Variants in PDSS1 observed in about 807,000 individuals in gnomAD.
PDSS1 encodes the protein all trans-polyprenyl-diphosphate synthase PDSS1.
Under a neutral mutation model 57.5 loss-of-function variants are expected in PDSS1, and 43 were observed. The observed-to-expected ratio is 0.75, with a 90% CI of 0.59 to 0.96. PDSS1 has a LOEUF of 0.96. PDSS1 is among the 50% of genes least tolerant of loss of function. PDSS1 has a pLI of 0.00. For synonymous variants in PDSS1, 175 were observed against 191.3 expected, an observed-to-expected ratio of 0.91 and a Z score of 0.70; for missense variants, 438 against 527.8, an observed-to-expected ratio of 0.83 and a Z score of 1.67.
chr10:26,739,019 A>G lies in PDSS1; in HGVS notation c.1026+3440A>G, dbSNP rs192609581. Among the ~76,000 whole-genome samples, 3 of 152,292 alleles carry G rather than the reference A, an allele frequency of 2.0e-5. No homozygotes were observed. In the East Asian group the frequency reaches 5.8e-4, roughly 29 times the overall value. On this transcript the variant is annotated intron_variant, in intron 10 of 11. Transcript: ENST00000376215. Reference sequence around the variant, plus strand: ...CTGGTGAAACTTTTTTAATTTTCAAATATCTTTTTTAAAAAAACCAAATCT... The same window carrying G: ...CTGGTGAAACTTTTTTAATTTTCAAGTATCTTTTTTAAAAAAACCAAATCT...
intron 5 of PDSS1, among the ~76,000 whole-genome samples, chr10:26,717,010 C>T (rs1251540186): frequency 1.3e-5 from 2 of 152,164 alleles, no homozygotes; most frequent in African/African-American, 4.8e-5. Flanking sequence ...TCATCTGTCC[C>T]ACCCTCATGT....
intron 8 of PDSS1, among the ~76,000 whole-genome samples, chr10:26,727,916 T>C: frequency 6.6e-6 from 1 of 152,280 alleles, no homozygotes; most frequent in South Asian, 2.1e-4. Flanking sequence ...GTCGGGCTTC[T>C]CTGATACTTC....
At chr10:26,742,719 G>T in intron 11 of PDSS1, 142 bp downstream of exon 11, 1 of 669,244 alleles carries the variant, frequency 1.5e-6, no homozygotes. Context: ...AAACTGAGAA[G>T]GGAAAACTCA....
chr10:26,708,067 A>C (rs1203025719), intron 4 of PDSS1, among the ~76,000 whole-genome samples: 1 of 152,164 alleles, frequency 6.6e-6, no homozygotes, highest in Non-Finnish European at 1.5e-5. Context: ...CACCACACCC[A>C]TCACACTGTG....
chr10:26,719,716 A>G (rs1262266887), intron 5 of PDSS1, among the ~76,000 whole-genome samples: 7 of 152,188 alleles, frequency 4.6e-5, no homozygotes, highest in African/African-American at 1.7e-4. Context: ...TTGTGAGCCA[A>G]TATTGCACCA....
chr10:26,710,570 A>G (rs1310924155), intron 5 of PDSS1, among the ~76,000 whole-genome samples: 1 of 88,546 alleles, frequency 1.1e-5, no homozygotes, highest in African/African-American at 3.7e-5. Flanking sequence ...AAACTCCTGA[A>G]CTCATGTGAT....
chr10:26,716,692 A>G (rs74731804), intron 5 of PDSS1, among the ~76,000 whole-genome samples: 7 of 149,660 alleles, frequency 4.7e-5, no homozygotes, highest in African/African-American at 1.7e-4. Flanking sequence ...CTCCATCTCA[A>G]AAAAAAAAAA....
rs116377515 is a variant in PDSS1 at position 26,732,131 on chromosome 10, G to A, written c.832-3109G>A. On this transcript the variant is annotated intron_variant, in intron 8 of 11. Transcript: ENST00000376215. The stretch of plus-strand genomic sequence containing the variant: ...CATTCTTCATGCTCCACCCATTTCC[G>A]GAAAGATGTGAGGCATCCCTCTGAT... Among the ~76,000 whole-genome samples, 702 of 152,348 alleles carry A rather than the reference G, an allele frequency of 4.6e-3. 4 individuals carry two copies. The highest frequency in any genetic ancestry group is 0.016 in the African/African-American group (667 of 41,578).
intron 2 of PDSS1, among the ~76,000 whole-genome samples, chr10:26,703,353 C>T (rs1300119848): frequency 6.6e-6 from 1 of 152,034 alleles, no homozygotes; most frequent in Non-Finnish European, 1.5e-5. Flanking sequence ...TATAACTAAT[C>T]ATAGTTATTT....
chr10:26,698,920 T>G (rs1383929986), intron 1 of PDSS1, among the ~76,000 whole-genome samples: 1 of 152,130 alleles, frequency 6.6e-6, no homozygotes, highest in Non-Finnish European at 1.5e-5. Flanking sequence ...GGCCAGGAGT[T>G]TGGGACCAGC....
At chr10:26,718,910 C>G (rs1835691023) in intron 5 of PDSS1, 1 of 152,116 alleles carries the variant, frequency 6.6e-6, no homozygotes, top group African/African-American at 2.4e-5. Context: ...AAAGCAAGAT[C>G]AAAAGCTTTC....
At chr10:26,745,987 TG>T (rs1357461348) in intron 11 of PDSS1, among the ~76,000 whole-genome samples, 14 of 152,224 alleles carry the variant, frequency 9.2e-5, no homozygotes, top group South Asian at 6.2e-4. Context: ...GTTTTACTTG[TG>T]TTTTTTTTAC....
At position 26,723,915 on chromosome 10, in the gene PDSS1, G is replaced by A. The variant is rs140972175; in HGVS notation, c.719G>A (p.Arg240His). Residue 240 changes from arginine (R) to histidine (H), a missense_variant and splice_region_variant, in exon 7 of 12, where the codon CGT becomes CAT. Arg to His is a conservative substitution (Grantham distance 29). Around this residue, in one of 2 missense-constraint regions of PDSS1, gnomAD observed 284 missense variants for 390.7 expected, o/e 0.73. Transcript: ENST00000376215. ...ILTQVIEDLV[R>H]GEFLQLGSKE... ...ACCCAAGTTATTGAAGATTTGGTGC[G>A]TGGTACGTTGATTCTGATTTTTCTT... 334 of 1,602,494 alleles carry A rather than the reference G, an allele frequency of 2.1e-4. 1 individual carries two copies. Among genetic ancestry groups the A allele is most frequent in the Non-Finnish European group, 2.5e-4 (292 of 1,169,508 alleles).
intron 5 of PDSS1, among the ~76,000 whole-genome samples, chr10:26,716,963 G>A (rs996033982): frequency 6.6e-6 from 1 of 152,180 alleles, no homozygotes; most frequent in Non-Finnish European, 1.5e-5. Context: ...TCATCTTAAG[G>A]ACAGTGTGAG....
At chr10:26,733,804 T>G (rs1311979800) in intron 8 of PDSS1, among the ~76,000 whole-genome samples, 1 of 151,864 alleles carries the variant, frequency 6.6e-6, no homozygotes, top group Non-Finnish European at 1.5e-5. Flanking sequence ...TGAGACTCCA[T>G]CTCTATGAAA....
chr10:26,737,666 G>A (rs1426664884), intron 10 of PDSS1, among the ~76,000 whole-genome samples: 1 of 143,010 alleles, frequency 7.0e-6, no homozygotes, highest in Non-Finnish European at 1.5e-5. Flanking sequence ...GGGAGGCAGA[G>A]GTTGCAGTGA....
chr10:26,721,428 A>ACACACACACACC, intron 6 of PDSS1, among the ~76,000 whole-genome samples: 1 of 151,626 alleles, frequency 6.6e-6, no homozygotes, highest in Admixed American at 6.6e-5. Flanking sequence ...ATGTATACAC[A>ACACACACACACC]CACACACACA....
intron 6 of PDSS1, among the ~76,000 whole-genome samples, chr10:26,723,156 G>A (rs1414537602): frequency 6.6e-6 from 1 of 152,076 alleles, no homozygotes; most frequent in Non-Finnish European, 1.5e-5. Flanking sequence ...AGCATGCATG[G>A]GTGTTGTACA....
At chr10:26,732,536 G>C (rs1234133806) in intron 8 of PDSS1, among the ~76,000 whole-genome samples, 1 of 151,242 alleles carries the variant, frequency 6.6e-6, no homozygotes, top group East Asian at 1.9e-4. Context: ...AAGTGATGAA[G>C]AGAACAGTGT....
Sources: gnomAD v4.1 joint callset for allele counts (sites outside exome capture counted in the v4.1 genomes callset) on GRCh38, gnomAD v4.1.1 for gene constraint, gnomAD v4.1.1 regional missense constraint, MANE v1.5 for transcripts, NCBI Gene and HGNC (gene_info 2026-07-23, HGNC 2026-07-21) for gene names.